The following PRPF6 variants were observed in gnomAD, a reference collection of about 807,000 sequenced individuals.
PRPF6 encodes the protein pre-mRNA processing factor 6, also known as pre-mRNA-processing factor 6.
Under a neutral mutation model 118.3 loss-of-function variants are expected in PRPF6, and 42 were observed. The observed-to-expected ratio is 0.35, with a 90% CI of 0.28 to 0.46. The LOEUF is 0.46. Among genes scored for constraint, PRPF6 ranks in the 20% least tolerant of loss-of-function variants. PRPF6 has a pLI of 1.00. For synonymous variants in PRPF6, 481 were observed against 485.1 expected, an observed-to-expected ratio of 0.99 and a Z score of 0.11; for missense variants, 662 against 1,255.7, an observed-to-expected ratio of 0.53 and a Z score of 7.15.
chr20:63,996,380 G>A (rs1477799188), intron 6 of PRPF6, among the ~76,000 whole-genome samples: 1 of 152,040 alleles, frequency 6.6e-6, no homozygotes, highest in African/African-American at 2.4e-5. Context: ...CACAATCATG[G>A]CTGGCTACAT....
At chr20:64,008,565 T>G (rs1601522354) in intron 9 of PRPF6, among the ~76,000 whole-genome samples, 1 of 152,236 alleles carries the variant, frequency 6.6e-6, no homozygotes, top group Admixed American at 6.5e-5. Context: ...CAGTGGCTGG[T>G]GACCCGTGCC....
intron 19 of PRPF6, among the ~76,000 whole-genome samples, chr20:64,030,374 A>G (rs2059309498): frequency 6.6e-6 from 1 of 152,154 alleles, no homozygotes; most frequent in South Asian, 2.1e-4. Context: ...CTGCCCCGCC[A>G]TGGGTCATGC....
chr20:64,024,466 C>T (rs2059279020), intron 13 of PRPF6, 89 bp from the exon 14 acceptor site: 1 of 1,539,508 alleles, frequency 6.5e-7, no homozygotes, highest in Non-Finnish European at 9.0e-7. Context: ...CAGTAACTGT[C>T]TTTCTGGCGT....
At chr20:64,000,197 G>A (rs1005752789) in intron 8 of PRPF6, among the ~76,000 whole-genome samples, 2 of 152,036 alleles carry the variant, frequency 1.3e-5, no homozygotes, top group Non-Finnish European at 1.5e-5. Flanking sequence ...CTCTTCACCC[G>A]CCTAATGGTG....
chr20:63,996,043 C>T (rs191214078), intron 6 of PRPF6, among the ~76,000 whole-genome samples: 12 of 152,176 alleles, frequency 7.9e-5, no homozygotes, highest in African/African-American at 2.9e-4. Flanking sequence ...CTGCATGGAA[C>T]GTGTACTTTG....
rs2059304867 is a variant in PRPF6, at chr20:64,029,368, G to A, written c.2432-9G>A. On this transcript the variant is annotated splice_polypyrimidine_tract_variant and intron_variant, in intron 18 of 20. Coordinates refer to ENST00000266079, the MANE Select transcript of PRPF6 (RefSeq NM_012469.4). The surrounding 1 kb of genome is among the most constrained non-coding windows in gnomAD (Gnocchi z 4.8). ...GTGCAAATCTTTGTTCTTTGTTTCT[G>A]AATTATAGGTATCCTGTGGTCTGAG... 1 of 1,612,444 alleles carries A rather than the reference G, an allele frequency of 6.2e-7. No individual in the cohort carries two copies. Among genetic ancestry groups the A allele is most frequent in the Admixed American group, 1.7e-5 (1 of 60,014 alleles).
chr20:64,027,232 A>T lies in PRPF6; in HGVS notation c.2205+74A>T. 1 of 1,567,148 alleles carries T rather than the reference A, an allele frequency of 6.4e-7. No homozygotes were observed. Among genetic ancestry groups the T allele is most frequent in the Non-Finnish European group, 8.7e-7 (1 of 1,148,408 alleles). Reference sequence around the variant, plus strand: ...AAACTGAGCCCCCTGGTGCAGGGTCATTGCCCTTCGCCTCTGAGGAGATGT... The same window carrying T: ...AAACTGAGCCCCCTGGTGCAGGGTCTTTGCCCTTCGCCTCTGAGGAGATGT... On this transcript the variant is annotated intron_variant, in intron 16 of 20. Coordinates refer to ENST00000266079, the MANE Select transcript of PRPF6 (RefSeq NM_012469.4). This position sits in a 1 kb window ranked among gnomAD's most constrained non-coding sequence, Gnocchi z 6.5.
At chr20:64,007,540 C>T (rs1046124538) in intron 9 of PRPF6, among the ~76,000 whole-genome samples, 4 of 150,028 alleles carry the variant, frequency 2.7e-5, no homozygotes, top group South Asian at 2.1e-4. Context: ...AGTTTTGGCT[C>T]ACTGCAACCT....
At position 64,026,841 on chromosome 20, in the gene PRPF6, C is replaced by T. The variant is rs1601532756; in HGVS notation, c.2029-141C>T. 1.2e-6 allele frequency: 1 copy of T among 863,336 alleles called. No individual in the cohort carries two copies. Among genetic ancestry groups the T allele is most frequent in the Admixed American group, 2.2e-5 (1 of 46,306 alleles). The allele number at this position is 863,336 out of a possible 1,614,324, so 53.5% of individuals were successfully genotyped here. On this transcript the variant is annotated intron_variant, in intron 15 of 20. Coordinates refer to ENST00000266079, the MANE Select transcript of PRPF6 (RefSeq NM_012469.4). The surrounding 1 kb of genome is among the most constrained non-coding windows in gnomAD (Gnocchi z 4.4). ...AAACAAAAACATATATTTATCCCCA[C>T]CTTTTGTGTACACAAACAGGCTATG...
At chr20:64,014,909 C>T (rs895943293) in intron 11 of PRPF6, among the ~76,000 whole-genome samples, 1 of 152,148 alleles carries the variant, frequency 6.6e-6, no homozygotes, top group Non-Finnish European at 1.5e-5. Context: ...GCTTTTGCAT[C>T]GTCCGACACC....
intron 8 of PRPF6, among the ~76,000 whole-genome samples, chr20:64,000,148 G>A (rs1002944875): frequency 2.0e-5 from 3 of 152,012 alleles, no homozygotes; most frequent in Non-Finnish European, 2.9e-5. Context: ...CTGGTTTGAC[G>A]GCAGGCTAAG....
At chr20:64,019,186 C>T (rs1183594131) in intron 12 of PRPF6, among the ~76,000 whole-genome samples, 1 of 151,212 alleles carries the variant, frequency 6.6e-6, no homozygotes, top group African/African-American at 2.4e-5. Context: ...GCAACCTCCG[C>T]CTCCCAGGTT....
chr20:64,025,138 A>G (rs1240973941), intron 14 of PRPF6, among the ~76,000 whole-genome samples: 1 of 152,194 alleles, frequency 6.6e-6, no homozygotes, highest in Non-Finnish European at 1.5e-5. Context: ...AGAATGCTAT[A>G]TAAAAGTCTG....
intron 9 of PRPF6, among the ~76,000 whole-genome samples, chr20:64,009,279 C>CAAAAAAAAAAA (rs59045216): frequency 2.6e-5 from 1 of 38,228 alleles, no homozygotes; most frequent in African/African-American, 9.6e-5. Context: ...GACTCCATCG[C>CAAAAAAAAAAA]AAAAAAAAAA....
chr20:64,016,208 G>A (rs1235207775), intron 11 of PRPF6, among the ~76,000 whole-genome samples: 4 of 150,916 alleles, frequency 2.7e-5, no homozygotes, highest in African/African-American at 7.3e-5. Flanking sequence ...TGCAACCTCC[G>A]CCTCCCGGGT....
intron 6 of PRPF6, among the ~76,000 whole-genome samples, chr20:63,998,617 G>A (rs1049764276): frequency 7.4e-5 from 11 of 148,818 alleles, no homozygotes; most frequent in Non-Finnish European, 1.6e-4. Flanking sequence ...CGAGGCGGGC[G>A]GATCACGAGG....
At chr20:63,985,630 A>T (rs1438609753) in intron 3 of PRPF6, among the ~76,000 whole-genome samples, 28 of 152,224 alleles carry the variant, frequency 1.8e-4, no homozygotes. Flanking sequence ...TACTGACTTG[A>T]TTATTATATG....
At chr20:64,008,308 C>T (rs1293573636) in intron 9 of PRPF6, among the ~76,000 whole-genome samples, 1 of 152,216 alleles carries the variant, frequency 6.6e-6, no homozygotes, top group Non-Finnish European at 1.5e-5. Context: ...GGTTTGCTCA[C>T]TGCAGCCTGT....
rs150124401 is a variant in PRPF6 at position 64,018,215 on chromosome 20, C to T, written c.1647+1370C>T. 3.1e-3 allele frequency among the ~76,000 whole-genome samples: 476 copies of T among 152,258 alleles called. 9 individuals are homozygous for T. The South Asian group carries it at 0.047, about 15-fold the overall frequency. On this transcript the variant is annotated intron_variant, in intron 12 of 20. Transcript: ENST00000266079. ...TCTCAAAAAAAGAAAAAGTCTCACCCGTTGTCTCTGTGTCCTTTTAGCAGA... is the reference window on the plus strand; with the variant it reads ...TCTCAAAAAAAGAAAAAGTCTCACCTGTTGTCTCTGTGTCCTTTTAGCAGA...
Sources: allele counts gnomAD v4.1 joint callset (sites outside exome capture counted in the v4.1 genomes callset), GRCh38; gene constraint gnomAD v4.1.1; non-coding constraint Gnocchi (gnomAD v3.1); transcripts MANE v1.5; gene names NCBI Gene and HGNC (gene_info 2026-07-23, HGNC 2026-07-21).